PLCL1: variants seen among roughly 807,000 people sequenced by gnomAD.
PLCL1 encodes phospholipase C like 1 (inactive).
A neutral mutation model predicts 84.4 loss-of-function variants in PLCL1; 41 were observed. The ratio of observed to expected loss-of-function variants is 0.49; its 90% CI spans 0.38 to 0.63. The LOEUF (loss-of-function observed/expected upper bound fraction) is 0.63, where lower values mean the gene tolerates loss of function less well. Ranked by LOEUF, PLCL1 falls within the 30% of genes least tolerant of loss-of-function variation. The pLI is 0.00. For missense variants in PLCL1, 1,206 were observed against 1,367.8 expected (o/e 0.88, Z 1.87); for synonymous variants, 490 against 488.3 (o/e 1.00, Z -0.05).
At chr2:198,113,488 T>A (rs1263181309) in intron 5 of PLCL1, among the ~76,000 whole-genome samples, 1 of 151,844 alleles carries the variant, frequency 6.6e-6, no homozygotes, top group Non-Finnish European at 1.5e-5. Flanking sequence ...TGTGTTAAAT[T>A]TGTCCTTATG....
chr2:198,094,251 C>G (rs933739700), intron 3 of PLCL1, among the ~76,000 whole-genome samples: 1 of 152,060 alleles, frequency 6.6e-6, no homozygotes, highest in Non-Finnish European at 1.5e-5. Flanking sequence ...TTAGTAGAGA[C>G]AGGGTTTCAC....
intron 1 of PLCL1, among the ~76,000 whole-genome samples, chr2:197,979,812 T>G (rs1370372978): frequency 6.6e-6 from 1 of 152,202 alleles, no homozygotes; most frequent in East Asian, 1.9e-4. Flanking sequence ...TTCCCATTCA[T>G]TATTTAATAA....
Position 197,952,588 on chromosome 2 carries a change from T to C in PLCL1, c.241-131170T>C, listed in dbSNP as rs144469771. On this transcript the variant is annotated intron_variant, in intron 1 of 5. Transcript: ENST00000428675. ...TTGGTAAGCAGTATTTTATCTCAAG[T>C]CTATTTTCTTGTGGGGATCCTACAT... Among the ~76,000 whole-genome samples, 98 of 152,236 alleles carry C rather than the reference T, an allele frequency of 6.4e-4. 1 individual carries two copies. The highest frequency in any genetic ancestry group is 2.4e-3 in the African/African-American group (98 of 41,560).
At chr2:197,851,823 G>A (rs527519109) in intron 1 of PLCL1, among the ~76,000 whole-genome samples, 29 of 152,240 alleles carry the variant, frequency 1.9e-4, no homozygotes, top group Admixed American at 7.2e-4. Flanking sequence ...AATAGAAGAA[G>A]TACTGGCACC....
intron 1 of PLCL1, among the ~76,000 whole-genome samples, chr2:197,808,353 A>C (rs1690521831): frequency 6.6e-6 from 1 of 152,246 alleles, no homozygotes; most frequent in Non-Finnish European, 1.5e-5. Context: ...ACTATTCTGC[A>C]TTTGAATATA....
In PLCL1 at chr2:197,805,463, C is replaced by T; in HGVS notation, c.240+124C>T. ...CATTGTTTTCTCCCACCTCCTTCAA[C>T]GCCAAACCTTCCTTCCTTATCCGGA... is the stretch of plus-strand genomic sequence containing the variant. On this transcript the variant is annotated intron_variant, in intron 1 of 5. Transcript: ENST00000428675. This position sits in a 1 kb window ranked among gnomAD's most constrained non-coding sequence, Gnocchi z 4.0. 1.1e-6 allele frequency: 1 copy of T among 904,106 alleles called. No individual in the cohort carries two copies. The highest frequency in any genetic ancestry group is 1.5e-6 in the Non-Finnish European group (1 of 685,854). The allele number at this position is 904,106 out of a possible 1,614,324, so 56.0% of individuals were successfully genotyped here.
intron 1 of PLCL1, among the ~76,000 whole-genome samples, chr2:198,062,460 T>C (rs1208351415): frequency 6.6e-6 from 1 of 152,254 alleles, no homozygotes; most frequent in Non-Finnish European, 1.5e-5. Context: ...ACTGCTTATG[T>C]AAAATAATAT....
At chr2:197,923,356 T>C (rs1688758403) in intron 1 of PLCL1, among the ~76,000 whole-genome samples, 1 of 139,042 alleles carries the variant, frequency 7.2e-6, no homozygotes, top group Admixed American at 7.1e-5. Context: ...TCCTCACTTC[T>C]CAGACGGGGC....
intron 1 of PLCL1, among the ~76,000 whole-genome samples, chr2:198,051,000 C>T (rs540231530): frequency 1.3e-5 from 2 of 152,274 alleles, no homozygotes; most frequent in Admixed American, 6.5e-5. Context: ...AACATTTTAA[C>T]GTGGTACAAC....
At chr2:198,029,519 G>GAAGAACAAC (rs1333656853) in intron 1 of PLCL1, among the ~76,000 whole-genome samples, 19 of 152,236 alleles carry the variant, frequency 1.2e-4, no homozygotes, top group African/African-American at 4.3e-4. Context: ...AACAACTGGA[G>GAAGAACAAC]TGCAGGAAAA....
chr2:197,971,733 A>C (rs1253828332), intron 1 of PLCL1, among the ~76,000 whole-genome samples: 2 of 152,184 alleles, frequency 1.3e-5, no homozygotes, highest in Non-Finnish European at 2.9e-5. Flanking sequence ...GCTGAATCTC[A>C]GGTGACTTTT....
At chr2:198,127,011 T>TGTGTGTGTGTGTG (rs762931586) in intron 5 of PLCL1, among the ~76,000 whole-genome samples, 1 of 56,848 alleles carries the variant, frequency 1.8e-5, no homozygotes, top group African/African-American at 5.5e-5. Flanking sequence ...TGTGTGTGTG[T>TGTGTGTGTGTGTG]GGGGGGTGGT....
At chr2:198,137,501 G>A (rs145837384) in intron 5 of PLCL1, among the ~76,000 whole-genome samples, 2 of 152,260 alleles carry the variant, frequency 1.3e-5, no homozygotes, top group African/African-American at 2.4e-5. Context: ...AGGCAATTTG[G>A]TGCTGTGCCA....
intron 1 of PLCL1, among the ~76,000 whole-genome samples, chr2:197,967,957 C>T (rs1689779967): frequency 6.6e-6 from 1 of 152,180 alleles, no homozygotes; most frequent in Non-Finnish European, 1.5e-5. Context: ...CTCTTCCACT[C>T]ACCAATATCT....
At chr2:198,096,929 AT>A (rs1693212814) in intron 3 of PLCL1, among the ~76,000 whole-genome samples, 2 of 152,308 alleles carry the variant, frequency 1.3e-5, no homozygotes, top group East Asian at 3.9e-4. Context: ...TAACCAGTAT[AT>A]ATTCAGCCTC....
intron 1 of PLCL1, among the ~76,000 whole-genome samples, chr2:197,970,751 C>G (rs868834448): frequency 6.6e-6 from 1 of 152,010 alleles, no homozygotes; most frequent in African/African-American, 2.4e-5. Context: ...ACCTTTTTTT[C>G]CCCCACAACA....
At chr2:197,865,296 A>T (rs896348286) in intron 1 of PLCL1, among the ~76,000 whole-genome samples, 5 of 152,200 alleles carry the variant, frequency 3.3e-5, no homozygotes, top group African/African-American at 9.6e-5. Context: ...GTTGTATATT[A>T]TAAGGAGCAT....
intron 1 of PLCL1, among the ~76,000 whole-genome samples, chr2:197,972,232 C>G (rs1329282368): frequency 6.6e-6 from 1 of 152,188 alleles, no homozygotes. Flanking sequence ...CAAGTTTCGT[C>G]AAAGAAAGGC....
At chr2:197,991,095 G>T (rs949342338) in intron 1 of PLCL1, among the ~76,000 whole-genome samples, 4 of 152,118 alleles carry the variant, frequency 2.6e-5, no homozygotes, top group Non-Finnish European at 4.4e-5. Context: ...TGAATTGGTG[G>T]ACTCAGAAGA....
Sources: allele counts gnomAD v4.1 joint callset (sites outside exome capture counted in the v4.1 genomes callset), GRCh38; gene constraint gnomAD v4.1.1; non-coding constraint Gnocchi (gnomAD v3.1); transcripts MANE v1.5; gene names NCBI Gene and HGNC (gene_info 2026-07-23, HGNC 2026-07-21).